Variants in SPEF2 observed in about 807,000 individuals in gnomAD.
SPEF2 encodes the protein sperm flagellar and cilia associated 2, also known as sperm flagella and cilia-associated protein 2.
A neutral mutation model predicts 224.6 loss-of-function variants in SPEF2; 187 were observed. The ratio of observed to expected loss-of-function variants is 0.83; its 90% confidence interval spans 0.74 to 0.94. The LOEUF is 0.94. SPEF2 is among the 40% of genes least tolerant of loss of function. The pLI is 0.00. For synonymous variants in SPEF2, 715 were observed against 707.3 expected, an observed-to-expected ratio of 1.01 and a Z score of -0.17; for missense variants, 2,170 against 2,135.6, an observed-to-expected ratio of 1.02 and a Z score of -0.32.
chr5:35,756,711 A>G (rs1750500722), intron 24 of SPEF2, among the ~76,000 whole-genome samples: 2 of 152,222 alleles, frequency 1.3e-5, no homozygotes, highest in African/African-American at 4.8e-5. Flanking sequence ...CATTAGTCCT[A>G]CAAGATGTTT....
At chr5:35,773,225 A>G (rs1034445102) in intron 27 of SPEF2, among the ~76,000 whole-genome samples, 4 of 152,044 alleles carry the variant, frequency 2.6e-5, no homozygotes, top group African/African-American at 9.7e-5. Context: ...AAAAAAATAC[A>G]ATAAAATAGC....
intron 30 of SPEF2, among the ~76,000 whole-genome samples, chr5:35,783,726 A>G (rs1754670106): frequency 6.6e-6 from 1 of 152,184 alleles, no homozygotes; most frequent in Non-Finnish European, 1.5e-5. Context: ...AAGCATTCCA[A>G]ACAAAAGCAT....
At chr5:35,747,701 C>G (rs1276192027) in intron 23 of SPEF2, among the ~76,000 whole-genome samples, 1 of 152,040 alleles carries the variant, frequency 6.6e-6, no homozygotes, top group Non-Finnish European at 1.5e-5. Context: ...ACTAACAGAC[C>G]TAAGAAATGA....
chr5:35,723,285 A>G (rs1580452986), intron 20 of SPEF2, among the ~76,000 whole-genome samples: 1 of 152,244 alleles, frequency 6.6e-6, no homozygotes, highest in South Asian at 2.1e-4. Context: ...CTATGAGAGC[A>G]GAGGCTCTTC....
intron 31 of SPEF2, 138 bp downstream of exon 31, chr5:35,792,584 A>G: frequency 3.1e-6 from 2 of 651,708 alleles, no homozygotes; most frequent in Non-Finnish European, 2.6e-6. Context: ...TGAATGAAAA[A>G]TGAATGAACT....
chr5:35,657,187 A>G lies in SPEF2; in HGVS notation c.979-1832A>G, dbSNP rs186290792. On this transcript the variant is annotated intron_variant, in intron 7 of 36. Coordinates refer to ENST00000356031, the MANE Select transcript of SPEF2 (RefSeq NM_024867.4). ...GCCATTTGCACTTAATCCATCAGAAATGCCTCAAAATATCTTCCCTAGCTT... is the reference window on the plus strand; with the variant it reads ...GCCATTTGCACTTAATCCATCAGAAGTGCCTCAAAATATCTTCCCTAGCTT... Among the ~76,000 whole-genome samples, 3 of 152,328 alleles carry G rather than the reference A, an allele frequency of 2.0e-5. No individual in the cohort carries two copies. In the East Asian group the frequency reaches 5.8e-4, roughly 29 times the overall value.
At chr5:35,619,143 A>G (rs998633943) in intron 1 of SPEF2, among the ~76,000 whole-genome samples, 16 of 152,110 alleles carry the variant, frequency 1.1e-4, no homozygotes, top group African/African-American at 3.6e-4. Flanking sequence ...TCAAATAACC[A>G]TCTACACACT....
Position 35,705,662 on chromosome 5 carries a change from TC to T in SPEF2, c.2520del (p.Leu841TrpfsTer18), listed in dbSNP as rs1166141196. The T allele has an allele frequency of 6.3e-7, 1 of 1,582,492 alleles. No individual in the cohort carries two copies. Among genetic ancestry groups the T allele is most frequent in the Non-Finnish European group, 8.5e-7 (1 of 1,170,984 alleles). On this transcript the variant is annotated frameshift_variant, in exon 18 of 37. Coordinates refer to ENST00000356031, the MANE Select transcript of SPEF2 (RefSeq NM_024867.4). LOFTEE classifies it high-confidence loss of function. ...TTTTGATTTTGCAGAATTATAGGCT[TC>T]TTGGACAACTGGCCTTTATTGGAGC... ...RDQIQHRIIG[F>X]LDNWPLLEQW...
chr5:35,773,659 T>C (rs544912033), intron 27 of SPEF2, among the ~76,000 whole-genome samples: 2 of 152,290 alleles, frequency 1.3e-5, no homozygotes, highest in African/African-American at 4.8e-5. Flanking sequence ...TTTTTAATTA[T>C]ACTACACAAA....
intron 16 of SPEF2, among the ~76,000 whole-genome samples, chr5:35,702,481 T>C (rs569446204): frequency 1.3e-5 from 2 of 152,292 alleles, no homozygotes; most frequent in South Asian, 4.1e-4. Flanking sequence ...AATGTTCACA[T>C]CTGGTGAGAG....
intron 24 of SPEF2, among the ~76,000 whole-genome samples, chr5:35,754,995 A>C (rs772987870): frequency 6.6e-6 from 1 of 152,258 alleles, no homozygotes; most frequent in African/African-American, 2.4e-5. Context: ...TGGCTCAGGC[A>C]TAGGCCAGAC....
At chr5:35,764,884 G>A in intron 26 of SPEF2, 1 of 361,346 alleles carries the variant, frequency 2.8e-6, no homozygotes, top group Non-Finnish European at 5.4e-6. Flanking sequence ...CATTGTTTCT[G>A]CTTCTTTCGA....
chr5:35,807,378 T>C, intron 36 of SPEF2, 125 bp downstream of exon 36: 1 of 1,373,062 alleles, frequency 7.3e-7, no homozygotes, highest in Non-Finnish European at 9.8e-7. Context: ...GGCCAGAATC[T>C]GGAGAAGCTA....
At chr5:35,790,431 A>G (rs1755794042) in intron 30 of SPEF2, 8 of 430,462 alleles carry the variant, frequency 1.9e-5, no homozygotes, top group East Asian at 1.0e-4. Flanking sequence ...ATAGTAAAAA[A>G]TAAAATAAAA....
intron 34 of SPEF2, among the ~76,000 whole-genome samples, chr5:35,803,879 G>A (rs1326168318): frequency 1.3e-5 from 2 of 152,100 alleles, no homozygotes; most frequent in Non-Finnish European, 1.5e-5. Flanking sequence ...ATGCGGCTCA[G>A]GCCTTCTGCT....
At chr5:35,751,043 G>GCA (rs1749435722) in intron 23 of SPEF2, among the ~76,000 whole-genome samples, 1 of 27,670 alleles carries the variant, frequency 3.6e-5, no homozygotes, top group African/African-American at 1.1e-4. Context: ...ATACACATAT[G>GCA]TATATATATA....
At chr5:35,774,159 C>G in intron 28 of SPEF2, 138 bp downstream of exon 28, 1 of 1,206,876 alleles carries the variant, frequency 8.3e-7, no homozygotes, top group Non-Finnish European at 1.1e-6. Flanking sequence ...GCACAATATT[C>G]AGTTGACTGT....
intron 30 of SPEF2, chr5:35,788,634 T>C: frequency 1.4e-6 from 1 of 702,980 alleles, no homozygotes; most frequent in South Asian, 1.5e-5. Context: ...CAACTTAGAC[T>C]GTCGAGCCAA....
intron 8 of SPEF2, among the ~76,000 whole-genome samples, chr5:35,660,485 T>C (rs913921363): frequency 6.6e-6 from 1 of 152,222 alleles, no homozygotes; most frequent in African/African-American, 2.4e-5. Context: ...GAAAGTAGCA[T>C]ATTTTGCAGG....
Sources: allele counts gnomAD v4.1 joint callset (sites outside exome capture counted in the v4.1 genomes callset), GRCh38; gene constraint gnomAD v4.1.1; transcripts MANE v1.5; gene names NCBI Gene and HGNC (gene_info 2026-07-23, HGNC 2026-07-21).